The following MACROD2 variants were observed in gnomAD, a reference collection of about 807,000 sequenced individuals.
The protein encoded by MACROD2 is ADP-ribose glycohydrolase MACROD2.
MACROD2 carries 36 observed loss-of-function variants against 70.4 expected under a neutral mutation model. That is an observed-to-expected ratio of 0.51 (90% CI 0.39 to 0.68). The LOEUF (loss-of-function observed/expected upper bound fraction) is 0.68. MACROD2 is among the 30% of genes least tolerant of loss of function. The pLI is 0.00. For synonymous variants in MACROD2, 172 were observed against 178.8 expected (o/e 0.96, Z 0.30); for missense variants, 496 against 538.4 (o/e 0.92, Z 0.78).
intron 4 of MACROD2, among the ~76,000 whole-genome samples, chr20:14,672,088 T>C (rs1353106589): frequency 6.6e-6 from 1 of 152,230 alleles, no homozygotes; most frequent in Non-Finnish European, 1.5e-5. Context: ...TGAATATCTG[T>C]GTAACAAACC....
At chr20:15,843,569 G>A (rs932564819) in intron 8 of MACROD2, among the ~76,000 whole-genome samples, 3 of 152,156 alleles carry the variant, frequency 2.0e-5, no homozygotes, top group African/African-American at 7.2e-5. Flanking sequence ...AAACTAACTA[G>A]CTGCAAATCG....
At chr20:14,046,860 G>T (rs2053484801) in intron 2 of MACROD2, among the ~76,000 whole-genome samples, 1 of 151,944 alleles carries the variant, frequency 6.6e-6, no homozygotes, top group African/African-American at 2.4e-5. Flanking sequence ...TAAGGATAGG[G>T]ATATTCATAG....
At chr20:15,373,112 T>C (rs2045515411) in intron 6 of MACROD2, among the ~76,000 whole-genome samples, 1 of 152,122 alleles carries the variant, frequency 6.6e-6, no homozygotes, top group African/African-American at 2.4e-5. Context: ...TCCTATACCT[T>C]CTTTTAAAAA....
intron 5 of MACROD2, among the ~76,000 whole-genome samples, chr20:15,072,340 T>G (rs942907393): frequency 2.0e-5 from 3 of 152,194 alleles, no homozygotes; most frequent in Non-Finnish European, 4.4e-5. Flanking sequence ...AATTTTTGTA[T>G]GGTTAATCCA....
chr20:15,136,854 A>G (rs2076152010), intron 5 of MACROD2, among the ~76,000 whole-genome samples: 1 of 150,914 alleles, frequency 6.6e-6, no homozygotes, highest in Non-Finnish European at 1.5e-5. Context: ...ATGAACTCAA[A>G]CAAATTTACA....
intron 5 of MACROD2, among the ~76,000 whole-genome samples, chr20:15,198,316 G>A (rs917751250): frequency 3.9e-5 from 6 of 152,130 alleles, no homozygotes; most frequent in Non-Finnish European, 8.8e-5. Flanking sequence ...CTGGCCAGAA[G>A]TTTCCAATTT....
intron 5 of MACROD2, among the ~76,000 whole-genome samples, chr20:14,942,166 T>G (rs1314501519): frequency 6.6e-6 from 1 of 152,058 alleles, no homozygotes; most frequent in Non-Finnish European, 1.5e-5. Context: ...ACCTGCCAGG[T>G]GGTCACTTAT....
At chr20:16,006,682 C>A (rs565032046) in intron 15 of MACROD2, among the ~76,000 whole-genome samples, 1 of 152,092 alleles carries the variant, frequency 6.6e-6, no homozygotes, top group Non-Finnish European at 1.5e-5. Context: ...GGCTCTCCCT[C>A]GAATTGGGTG....
At chr20:15,160,720 T>A (rs1568609042) in intron 5 of MACROD2, among the ~76,000 whole-genome samples, 1 of 152,084 alleles carries the variant, frequency 6.6e-6, no homozygotes, top group Non-Finnish European at 1.5e-5. Context: ...ACCCATTATA[T>A]CCCTTGATCT....
At chr20:15,228,487 C>A (rs1039866569) in intron 5 of MACROD2, among the ~76,000 whole-genome samples, 1 of 118,010 alleles carries the variant, frequency 8.5e-6, no homozygotes. Context: ...TTCCTTCTTT[C>A]TTTTTTTTTT....
intron 4 of MACROD2, among the ~76,000 whole-genome samples, chr20:14,579,150 T>G (rs2123341431): frequency 6.9e-6 from 1 of 145,598 alleles, no homozygotes; most frequent in South Asian, 2.2e-4. Flanking sequence ...TTTTTTTTTT[T>G]TTGAGACGGA....
At chr20:15,633,466 A>T (rs1172377908) in intron 8 of MACROD2, among the ~76,000 whole-genome samples, 1 of 152,220 alleles carries the variant, frequency 6.6e-6, no homozygotes, top group Non-Finnish European at 1.5e-5. Context: ...CCAGAACCAG[A>T]AAATGCCATT....
chr20:14,757,042 A>G (rs1489696476), intron 5 of MACROD2, among the ~76,000 whole-genome samples: 33 of 152,150 alleles, frequency 2.2e-4, no homozygotes. Flanking sequence ...TCTTTCCATT[A>G]TAAATTACCC....
At chr20:15,429,981 T>C (rs189397509) in intron 6 of MACROD2, among the ~76,000 whole-genome samples, 1 of 152,100 alleles carries the variant, frequency 6.6e-6, no homozygotes, top group Non-Finnish European at 1.5e-5. Flanking sequence ...TGTCCATGTG[T>C]ACTCATTTTT....
At chr20:15,405,017 A>T (rs1177828929) in intron 6 of MACROD2, among the ~76,000 whole-genome samples, 1 of 152,228 alleles carries the variant, frequency 6.6e-6, no homozygotes, top group Non-Finnish European at 1.5e-5. Flanking sequence ...TGCTAGGAGA[A>T]AGAAGCCAGA....
chr20:14,282,018 G>A (rs1018725627), intron 3 of MACROD2, among the ~76,000 whole-genome samples: 6 of 150,758 alleles, frequency 4.0e-5, no homozygotes, highest in Non-Finnish European at 8.9e-5. Context: ...AAAAACAAAT[G>A]TGTATTCCAA....
At chr20:15,075,890 C>T (rs936974731) in intron 5 of MACROD2, among the ~76,000 whole-genome samples, 1 of 151,930 alleles carries the variant, frequency 6.6e-6, no homozygotes, top group Non-Finnish European at 1.5e-5. Context: ...GGCATTTGTT[C>T]GTAAAAAGTG....
At chr20:14,887,138 GCATA>G (rs1200168094) in intron 5 of MACROD2, among the ~76,000 whole-genome samples, 1 of 152,022 alleles carries the variant, frequency 6.6e-6, no homozygotes, top group Non-Finnish European at 1.5e-5. Flanking sequence ...CTGTATGTGT[GCATA>G]CATGTGTGCA....
intron 5 of MACROD2, among the ~76,000 whole-genome samples, chr20:15,035,282 T>TA (rs2075304242): frequency 1.3e-5 from 2 of 152,112 alleles, no homozygotes; most frequent in South Asian, 4.1e-4. Context: ...CATGCACCAG[T>TA]AGTCCTAGCT....
Sources: allele counts gnomAD v4.1 joint callset (sites outside exome capture counted in the v4.1 genomes callset), GRCh38; gene constraint gnomAD v4.1.1; transcripts MANE v1.5; gene names NCBI Gene and HGNC (gene_info 2026-07-23, HGNC 2026-07-21).